CNTLN: variants seen among roughly 807,000 people sequenced by gnomAD.
CNTLN encodes the protein centlein, centrosomal protein.
CNTLN carries 212 observed loss-of-function variants against 180.0 expected under a neutral mutation model. That is an observed-to-expected ratio of 1.18 (90% CI 1.05 to 1.32). The LOEUF (loss-of-function observed/expected upper bound fraction) is 1.32, where lower values mean the gene tolerates loss of function less well. CNTLN is among the 40% of genes most tolerant of loss of function. The pLI, the probability that CNTLN is intolerant of heterozygous loss-of-function variation, is 0.00. For synonymous variants in CNTLN, 722 were observed against 563.1 expected (o/e 1.28, Z -3.99); for missense variants, 2,095 against 1,610.9 (o/e 1.30, Z -5.14).
At chr9:17,251,478 T>C (rs1826138170) in intron 5 of CNTLN, among the ~76,000 whole-genome samples, 1 of 151,910 alleles carries the variant, frequency 6.6e-6, no homozygotes, top group Non-Finnish European at 1.5e-5. Context: ...AATTGTTCTA[T>C]CTTGTAGTTA....
chr9:17,245,369 T>C (rs955229077), intron 5 of CNTLN, among the ~76,000 whole-genome samples: 1 of 151,874 alleles, frequency 6.6e-6, no homozygotes, highest in Non-Finnish European at 1.5e-5. Flanking sequence ...TGACACTCTC[T>C]CCTGGCCTGT....
chr9:17,333,156 G>T (rs1277317864), intron 10 of CNTLN, among the ~76,000 whole-genome samples: 1 of 151,948 alleles, frequency 6.6e-6, no homozygotes, highest in Non-Finnish European at 1.5e-5. Flanking sequence ...ATTACATTTA[G>T]TCAAAATGAA....
intron 25 of CNTLN, among the ~76,000 whole-genome samples, chr9:17,498,467 G>A (rs1362076146): frequency 6.6e-6 from 1 of 152,104 alleles, no homozygotes; most frequent in Non-Finnish European, 1.5e-5. Flanking sequence ...TGAAATCAGG[G>A]GAGATCCCTC....
rs1818114652 is a variant in CNTLN at position 17,298,510 on chromosome 9, C to T, written c.1146+158C>T. On this transcript the variant is annotated intron_variant, in intron 7 of 25. Transcript: ENST00000380647. Reference sequence around the variant, plus strand: ...AGTGAAGGATGGTTCAATTTGATAACATTTAAAATTTTTTGAATTTTCTTT... The same window carrying T: ...AGTGAAGGATGGTTCAATTTGATAATATTTAAAATTTTTTGAATTTTCTTT... 5.3e-6 allele frequency: 7 copies of T among 1,316,574 alleles called. No individual in the cohort carries two copies. In the Admixed American group the frequency reaches 1.1e-4, roughly 21 times the overall value. The allele number at this position is 1,316,574 out of a possible 1,614,324, so 81.6% of individuals were successfully genotyped here.
At chr9:17,362,912 C>T (rs1823518953) in intron 12 of CNTLN, among the ~76,000 whole-genome samples, 1 of 152,064 alleles carries the variant, frequency 6.6e-6, no homozygotes, top group African/African-American at 2.4e-5. Flanking sequence ...CAACAGGCCC[C>T]AGTGTGTGAT....
intron 23 of CNTLN, among the ~76,000 whole-genome samples, chr9:17,479,626 T>A (rs28451773): frequency 6.6e-6 from 1 of 152,180 alleles, no homozygotes; most frequent in Non-Finnish European, 1.5e-5. Flanking sequence ...ATTGTACATA[T>A]AGTCAACAAT....
At chr9:17,511,042 C>A in the CNTLN span, among the ~76,000 whole-genome samples, 1 of 152,170 alleles carries the variant, frequency 6.6e-6, no homozygotes, top group Non-Finnish European at 1.5e-5. Context: ...GGACTTGGTA[C>A]TCTTAATAGT....
intron 1 of CNTLN, among the ~76,000 whole-genome samples, chr9:17,136,409 A>G (rs1260276797): frequency 6.6e-6 from 1 of 152,208 alleles, no homozygotes; most frequent in Non-Finnish European, 1.5e-5. Context: ...AGCTCACTGC[A>G]AGCTCCGCCT....
chr9:17,348,522 TTCTTTCTTTC>T (rs1362674981), intron 12 of CNTLN, among the ~76,000 whole-genome samples: 2 of 150,536 alleles, frequency 1.3e-5, no homozygotes, highest in Non-Finnish European at 2.9e-5. Context: ...CTTTCTTTCT[TTCTTTCTTTC>T]TTTTTTTTTT....
chr9:17,235,818 T>C (rs753299970), intron 4 of CNTLN, 26 bp downstream of exon 4: 2 of 1,570,404 alleles, frequency 1.3e-6, no homozygotes, highest in Admixed American at 2.1e-5. Context: ...CATAGTTTTG[T>C]GGGACTGTTG....
At chr9:17,452,413 A>G (rs993236327) in intron 18 of CNTLN, among the ~76,000 whole-genome samples, 3 of 152,220 alleles carry the variant, frequency 2.0e-5, no homozygotes, top group East Asian at 1.9e-4. Flanking sequence ...AGGACATTCA[A>G]TGCTGTACTT....
At chr9:17,282,771 A>G (rs181276494) in intron 6 of CNTLN, among the ~76,000 whole-genome samples, 33 of 152,282 alleles carry the variant, frequency 2.2e-4, no homozygotes, top group Admixed American at 2.2e-3. Context: ...TGTATAAGGC[A>G]TAAGGAAGGG....
At chr9:17,372,803 G>T (rs1304264229) in intron 13 of CNTLN, among the ~76,000 whole-genome samples, 1 of 152,050 alleles carries the variant, frequency 6.6e-6, no homozygotes, top group Non-Finnish European at 1.5e-5. Flanking sequence ...TTTATCCAAG[G>T]GTTGCAAGGA....
chr9:17,214,948 A>T (rs1010482568), intron 2 of CNTLN, among the ~76,000 whole-genome samples: 17 of 152,140 alleles, frequency 1.1e-4, no homozygotes, highest in African/African-American at 4.1e-4. Context: ...CTAGTTAGCC[A>T]TTTGTCTAAT....
At chr9:17,224,532 G>C (rs1824341586) in intron 2 of CNTLN, among the ~76,000 whole-genome samples, 1 of 151,996 alleles carries the variant, frequency 6.6e-6, no homozygotes, top group Non-Finnish European at 1.5e-5. Flanking sequence ...TCTCAACTGT[G>C]TTTTCATGTT....
chr9:17,506,202 C>T (rs1224925630), downstream of CNTLN, among the ~76,000 whole-genome samples: 3 of 151,924 alleles, frequency 2.0e-5, no homozygotes, highest in Non-Finnish European at 1.5e-5. Context: ...ATCTTCAGGA[C>T]CTCAGATTTG....
At chr9:17,419,444 G>A (rs1482472392) in intron 18 of CNTLN, among the ~76,000 whole-genome samples, 2 of 151,986 alleles carry the variant, frequency 1.3e-5, no homozygotes, top group South Asian at 2.1e-4. Flanking sequence ...AAACATGCTA[G>A]CCCCATTCTT....
At chr9:17,354,776 G>A (rs1187486924) in intron 12 of CNTLN, among the ~76,000 whole-genome samples, 1 of 152,004 alleles carries the variant, frequency 6.6e-6, no homozygotes, top group Non-Finnish European at 1.5e-5. Context: ...TTGGCAACCC[G>A]CTCCAGTCCC....
intron 3 of CNTLN, among the ~76,000 whole-genome samples, chr9:17,232,764 TA>T (rs548960246): frequency 6.0e-4 from 92 of 152,092 alleles, no homozygotes; most frequent in African/African-American, 2.1e-3. Flanking sequence ...ATCAAATGTA[TA>T]ATATAGATAA....
Sources: allele counts gnomAD v4.1 joint callset (sites outside exome capture counted in the v4.1 genomes callset), GRCh38; gene constraint gnomAD v4.1.1; transcripts MANE v1.5; gene names NCBI Gene and HGNC (gene_info 2026-07-23, HGNC 2026-07-21).